GABRA4: variants seen among roughly 807,000 people sequenced by gnomAD.
GABRA4 encodes the protein gamma-aminobutyric acid type A receptor subunit alpha4, also known as gamma-aminobutyric acid receptor subunit alpha-4.
In GABRA4, 12 loss-of-function variants were observed where a neutral mutation model predicts 49.7. The ratio of observed to expected loss-of-function variants is 0.24; its 90% CI spans 0.15 to 0.39. GABRA4 has a LOEUF of 0.39. Ranked by LOEUF, GABRA4 falls within the 10% of genes least tolerant of loss-of-function variation. GABRA4 has a pLI of 1.00. For missense variants in GABRA4, 506 were observed against 686.0 expected, an observed-to-expected ratio of 0.74 and a Z score of 2.93; for synonymous variants, 288 against 240.2, an observed-to-expected ratio of 1.20 and a Z score of -1.84.
At chr4:46,935,683 G>T (rs1278739760) in intron 8 of GABRA4, among the ~76,000 whole-genome samples, 1 of 152,104 alleles carries the variant, frequency 6.6e-6, no homozygotes, top group Non-Finnish European at 1.5e-5. Context: ...TGGGGGGCTA[G>T]GGGAGGGATA....
intron 2 of GABRA4, among the ~76,000 whole-genome samples, chr4:46,979,542 G>A (rs369070362): frequency 6.6e-6 from 1 of 152,054 alleles, no homozygotes; most frequent in Non-Finnish European, 1.5e-5. Context: ...GAGAGCTGAG[G>A]ATACTAGTAA....
intron 8 of GABRA4, among the ~76,000 whole-genome samples, chr4:46,963,852 G>A (rs551769801): frequency 6.6e-6 from 1 of 151,744 alleles, no homozygotes; most frequent in Non-Finnish European, 1.5e-5. Context: ...AACAGTTGGA[G>A]AGTCCTCAAA....
Position 46,928,559 on chromosome 4 carries a change from G to A in GABRA4, c.1331C>T (p.Thr444Ile). 1 of 1,613,648 alleles carries A rather than the reference G, an allele frequency of 6.2e-7. No individual in the cohort carries two copies. Among genetic ancestry groups the A allele is most frequent in the Non-Finnish European group, 8.5e-7 (1 of 1,179,708 alleles). ...NPFSRANAAE[T>I]ISAARALPSA... is the part of the protein sequence containing the mutation. Reference sequence around the variant, plus strand: ...TGGAAGTGCTCTTGCTGCAGATATGGTTTCAGCTGCATTTGCACGGCTGAA... The same window carrying A: ...TGGAAGTGCTCTTGCTGCAGATATGATTTCAGCTGCATTTGCACGGCTGAA... The change falls in exon 9 of 9, where the codon ACC becomes ATC. Residue 444 changes from threonine to isoleucine, a missense_variant. Physicochemically the swap from Thr to Ile is moderately conservative, Grantham distance 89. This residue lies in a region of GABRA4 where 243 missense variants were observed against 210.8 expected (regional missense o/e 1.15). Coordinates refer to ENST00000264318, the MANE Select transcript of GABRA4 (RefSeq NM_000809.4).
At chr4:46,987,564 AT>A (rs1723586775) in intron 2 of GABRA4, among the ~76,000 whole-genome samples, 1 of 152,148 alleles carries the variant, frequency 6.6e-6, no homozygotes, top group Non-Finnish European at 1.5e-5. Context: ...CAAAATAGAA[AT>A]TGAAAAGTCA....
In GABRA4 at chr4:46,964,956, A is replaced by T. The variant is rs551728888; in HGVS notation, c.1134+14T>A. On this transcript the variant is annotated intron_variant, in intron 8 of 8. Transcript: ENST00000264318. ...AGCTAAAATCTTAAACTGAAGGTGG[A>T]TTAAGTCAAATACCTGCAGAGGGGC... 1 of 1,565,752 alleles carries T rather than the reference A, an allele frequency of 6.4e-7. No homozygotes were observed. The highest frequency in any genetic ancestry group is 1.2e-5 in the South Asian group (1 of 84,074).
intron 8 of GABRA4, among the ~76,000 whole-genome samples, chr4:46,958,485 T>A (rs10011168): frequency 0.52 from 79,107 of 151,658 alleles, 20,943 homozygotes; most frequent in East Asian, 0.7. Flanking sequence ...TTTATTTTTC[T>A]AATTATTCTA....
chr4:46,947,069 A>G (rs1198832749), intron 8 of GABRA4, among the ~76,000 whole-genome samples: 2 of 151,750 alleles, frequency 1.3e-5, no homozygotes, highest in African/African-American at 4.8e-5. Flanking sequence ...GGCATCCAAG[A>G]TGACACAACA....
At chr4:46,977,371 GAATA>G (rs1723182018) in intron 4 of GABRA4, 35 bp downstream of exon 4, 5 of 1,136,644 alleles carry the variant, frequency 4.4e-6, no homozygotes, top group Non-Finnish European at 6.3e-6. Context: ...AGAAAGAAAA[GAATA>G]AAAAAGGAAG....
At chr4:46,957,670 A>G (rs1722414450) in intron 8 of GABRA4, among the ~76,000 whole-genome samples, 1 of 151,986 alleles carries the variant, frequency 6.6e-6, no homozygotes, top group African/African-American at 2.4e-5. Flanking sequence ...GATTGATGCC[A>G]CCACCATCTA....
intron 8 of GABRA4, among the ~76,000 whole-genome samples, chr4:46,945,944 G>A (rs557875621): frequency 3.3e-5 from 5 of 152,224 alleles, no homozygotes; most frequent in African/African-American, 1.2e-4. Context: ...AGCAGTCAAA[G>A]CAATGCTTTA....
chr4:46,948,092 A>G (rs1289832780), intron 8 of GABRA4, among the ~76,000 whole-genome samples: 1 of 152,086 alleles, frequency 6.6e-6, no homozygotes, highest in Non-Finnish European at 1.5e-5. Flanking sequence ...TTTTTATTTT[A>G]CTTTATCAAC....
chr4:46,989,128 A>G (rs2109409670), intron 2 of GABRA4, among the ~76,000 whole-genome samples: 2 of 152,254 alleles, frequency 1.3e-5, no homozygotes, highest in Non-Finnish European at 2.9e-5. Flanking sequence ...TGGAACGTTT[A>G]TTATTCTAGA....
At chr4:46,944,875 G>T (rs1721931208) in intron 8 of GABRA4, among the ~76,000 whole-genome samples, 1 of 151,908 alleles carries the variant, frequency 6.6e-6, no homozygotes, top group Admixed American at 6.6e-5. Context: ...TTTCTTTAAG[G>T]GCCTCAACAG....
rs1335639258 is a variant in GABRA4, at chr4:46,992,794, C to G, written c.205+34G>C. 1.4e-6 allele frequency: 2 copies of G among 1,444,934 alleles called. 1 individual carries two copies. Among genetic ancestry groups the G allele is most frequent in the Non-Finnish European group, 1.9e-6 (2 of 1,025,764 alleles). The allele number at this position is 1,444,934 out of a possible 1,614,324, so 89.5% of individuals were successfully genotyped here. ...ACAGGAAGACCAAGAGAGGGACAGA[C>G]AGGACACACTTGCGCGTTTGAAATC... is the stretch of plus-strand genomic sequence containing the variant. On this transcript the variant is annotated intron_variant, in intron 2 of 8. Coordinates refer to ENST00000264318, the MANE Select transcript of GABRA4 (RefSeq NM_000809.4).
chr4:46,987,119 A>T (rs1320460939), intron 2 of GABRA4, among the ~76,000 whole-genome samples: 1 of 152,070 alleles, frequency 6.6e-6, no homozygotes, highest in Admixed American at 6.6e-5. Context: ...CTCAGAGTAA[A>T]AGCACAGTCC....
At chr4:46,983,065 A>G (rs993951217) in intron 2 of GABRA4, among the ~76,000 whole-genome samples, 3 of 152,090 alleles carry the variant, frequency 2.0e-5, no homozygotes, top group Non-Finnish European at 4.4e-5. Flanking sequence ...CAAAGGCGCT[A>G]TCCTCATGAG....
At chr4:46,949,345 T>C (rs1431198886) in intron 8 of GABRA4, among the ~76,000 whole-genome samples, 2 of 152,166 alleles carry the variant, frequency 1.3e-5, no homozygotes, top group African/African-American at 2.4e-5. Flanking sequence ...TTAAATACTT[T>C]AGCAAATGTT....
intron 2 of GABRA4, among the ~76,000 whole-genome samples, chr4:46,990,933 C>T (rs1000610034): frequency 7.2e-5 from 11 of 152,342 alleles, no homozygotes; most frequent in African/African-American, 2.6e-4. Context: ...AATCCCAGCA[C>T]TTTGGGAGGC....
chr4:46,991,077 T>C (rs1191737850), intron 2 of GABRA4, among the ~76,000 whole-genome samples: 3 of 152,024 alleles, frequency 2.0e-5, no homozygotes, highest in Non-Finnish European at 4.4e-5. Flanking sequence ...TCCCAGCTAC[T>C]CTGGGGGCTG....
Sources: gnomAD v4.1 joint callset for allele counts (sites outside exome capture counted in the v4.1 genomes callset) on GRCh38, gnomAD v4.1.1 for gene constraint, gnomAD v4.1.1 regional missense constraint, MANE v1.5 for transcripts, NCBI Gene and HGNC (gene_info 2026-07-23, HGNC 2026-07-21) for gene names.